Variants in ABR observed in about 807,000 individuals in gnomAD.
The protein encoded by ABR is ABR activator of RhoGEF and GTPase.
A neutral mutation model predicts 107.2 loss-of-function variants in ABR; 35 were observed. The observed-to-expected ratio is 0.33, with a 90% CI of 0.25 to 0.43. The LOEUF is 0.43. Ranked by LOEUF, ABR falls within the 20% of genes least tolerant of loss-of-function variation. ABR has a pLI of 1.00. For missense variants in ABR, 815 were observed against 1,115.2 expected (o/e 0.73, Z 3.83); for synonymous variants, 498 against 462.0 (o/e 1.08, Z -1.00).
At chr17:1,008,988 G>A (rs961804122) in intron 21 of ABR, among the ~76,000 whole-genome samples, 6 of 152,186 alleles carry the variant, frequency 3.9e-5, no homozygotes, top group African/African-American at 1.2e-4. Context: ...GCAAGTCTCC[G>A]CCTGGTGTGG....
At chr17:1,143,639 G>A (rs1179585315) in intron 1 of ABR, among the ~76,000 whole-genome samples, 1 of 152,146 alleles carries the variant, frequency 6.6e-6, no homozygotes, top group African/African-American at 2.4e-5. Context: ...GGGTGTTATG[G>A]CCTCTCTGGT....
intron 16 of ABR, among the ~76,000 whole-genome samples, chr17:1,023,912 C>A (rs2071934244): frequency 6.6e-6 from 1 of 151,088 alleles, no homozygotes; most frequent in South Asian, 2.1e-4. Context: ...GTAAACCCAG[C>A]TACTCAGGGG....
intron 1 of ABR, among the ~76,000 whole-genome samples, chr17:1,169,528 C>A (rs2041630232): frequency 1.3e-5 from 2 of 152,156 alleles, no homozygotes; most frequent in Admixed American, 1.3e-4. Flanking sequence ...GAAGTCCCAG[C>A]CAAAGGGGGC....
chr17:1,147,829 T>G lies in ABR; in HGVS notation c.62-22462A>C, dbSNP rs73975657. Among the ~76,000 whole-genome samples, 887 of 152,280 alleles carry G rather than the reference T, an allele frequency of 5.8e-3. 7 individuals carry two copies. The highest frequency in any genetic ancestry group is 0.021 in the African/African-American group (853 of 41,560). On this transcript the variant is annotated intron_variant, in intron 1 of 22. Coordinates refer to ENST00000302538, the MANE Select transcript of ABR (RefSeq NM_021962.5). ...CCTAACCCCACCCACGCCAGCCTCATGGCAAGCTGCAGCCGCCCTTTTCCC... is the reference window on the plus strand; with the variant it reads ...CCTAACCCCACCCACGCCAGCCTCAGGGCAAGCTGCAGCCGCCCTTTTCCC...
chr17:1,044,607 C>T (rs1402704884), intron 16 of ABR, among the ~76,000 whole-genome samples: 9 of 151,488 alleles, frequency 5.9e-5, no homozygotes, highest in Non-Finnish European at 1.2e-4. Context: ...GCCAAGATTG[C>T]GCCATTGCAC....
chr17:1,183,238 C>T (rs1402883251), upstream of ABR, among the ~76,000 whole-genome samples: 10 of 152,084 alleles, frequency 6.6e-5, no homozygotes, highest in East Asian at 1.9e-4. Context: ...CCATCTATCA[C>T]GCTGCCTCCT....
intron 5 of ABR, among the ~76,000 whole-genome samples, chr17:1,079,617 C>T (rs1046242609): frequency 1.3e-5 from 2 of 151,738 alleles, no homozygotes; most frequent in African/African-American, 4.8e-5. Flanking sequence ...GGTGAAACCC[C>T]ATCTCTACTA....
At chr17:1,038,764 C>T (rs1287235702) in intron 16 of ABR, among the ~76,000 whole-genome samples, 1 of 152,266 alleles carries the variant, frequency 6.6e-6, no homozygotes, top group African/African-American at 2.4e-5. Context: ...GTGACCCCCG[C>T]TCAGCATTCA....
Position 1,179,822 on chromosome 17 carries a change from A to T in ABR, c.-95T>A. 1 of 1,271,986 alleles carries T rather than the reference A, an allele frequency of 7.9e-7. No homozygotes were observed. The highest frequency in any genetic ancestry group is 1.8e-5 in the South Asian group (1 of 55,924). The allele number at this position is 1,271,986 out of a possible 1,614,324, so 78.8% of individuals were successfully genotyped here. ...GGAGCCGGGGGAGGCCGAAGTTGCG[A>T]GCGCGGAGGGGCGAGGAGGCCGGGA... On this transcript the variant is annotated 5_prime_UTR_variant, in exon 1 of 23. Coordinates refer to ENST00000302538, the MANE Select transcript of ABR (RefSeq NM_021962.5). This position sits in a 1 kb window ranked among gnomAD's most constrained non-coding sequence, Gnocchi z 4.9.
At chr17:1,009,287 C>T (rs574831641) in intron 21 of ABR, among the ~76,000 whole-genome samples, 8 of 134,646 alleles carry the variant, frequency 5.9e-5, no homozygotes, top group Non-Finnish European at 9.2e-5. Context: ...GCTGTCCACC[C>T]CCCACTGCAT....
rs141255918 is a variant in ABR at position 1,176,802 on chromosome 17, G to A, written c.61+2865C>T. Reference sequence around the variant, plus strand: ...GTGGAGGTTGCAGTGAGCCAAGATCGCACCACTGCACTCCAGCCTGGGCAA... The same window carrying A: ...GTGGAGGTTGCAGTGAGCCAAGATCACACCACTGCACTCCAGCCTGGGCAA... On this transcript the variant is annotated intron_variant, in intron 1 of 22. Transcript: ENST00000302538. Among the ~76,000 whole-genome samples, 603 of 151,120 alleles carry A rather than the reference G, an allele frequency of 4.0e-3. 2 individuals carry two copies. Among genetic ancestry groups the A allele is most frequent in the African/African-American group, 0.014 (559 of 41,112 alleles).
intron 1 of ABR, among the ~76,000 whole-genome samples, chr17:1,147,773 C>G (rs2040614012): frequency 6.6e-6 from 1 of 152,216 alleles, no homozygotes; most frequent in African/African-American, 2.4e-5. Flanking sequence ...TCCACACACA[C>G]TTCCCAACAC....
intron 9 of ABR, among the ~76,000 whole-genome samples, chr17:1,067,697 T>C (rs1251972177): frequency 1.3e-5 from 2 of 152,134 alleles, no homozygotes; most frequent in East Asian, 3.9e-4. Context: ...GGGTCAACAC[T>C]GGGTGGAGGA....
chr17:1,108,437 T>C (rs1227671800), intron 2 of ABR, among the ~76,000 whole-genome samples: 1 of 152,266 alleles, frequency 6.6e-6, no homozygotes, highest in Admixed American at 6.5e-5. Flanking sequence ...CCCACCTGGC[T>C]GCAGCCTCCA....
chr17:1,099,295 G>A (rs190532842), intron 3 of ABR, among the ~76,000 whole-genome samples: 14 of 152,066 alleles, frequency 9.2e-5, no homozygotes, highest in African/African-American at 3.4e-4. Flanking sequence ...GGCTGGTCTC[G>A]AACTCCTGTC....
chr17:1,199,768 T>TA (rs2042638155), intron 1 of ABR, among the ~76,000 whole-genome samples: 1 of 152,100 alleles, frequency 6.6e-6, no homozygotes, highest in African/African-American at 2.4e-5. Flanking sequence ...TTTAAAACTA[T>TA]AAGTTTATTC....
chr17:1,094,080 C>G (rs1258657722), intron 3 of ABR, among the ~76,000 whole-genome samples: 4 of 151,626 alleles, frequency 2.6e-5, no homozygotes, highest in East Asian at 1.9e-4. Flanking sequence ...CCCTCACCGT[C>G]CTAGAACCAA....
At chr17:1,181,849 C>T (rs1319737809), upstream of ABR, 2 of 152,256 alleles carry the variant, frequency 1.3e-5, no homozygotes, top group Non-Finnish European at 2.9e-5. Context: ...AACGCTCGGG[C>T]CCTCTCCCCA....
At chr17:1,153,548 C>T (rs1280017378) in intron 1 of ABR, among the ~76,000 whole-genome samples, 3 of 107,202 alleles carry the variant, frequency 2.8e-5, no homozygotes, top group Non-Finnish European at 3.9e-5. Context: ...GGCACACCTG[C>T]GGGAGGGCTG....
Sources: gnomAD v4.1 joint callset for allele counts (sites outside exome capture counted in the v4.1 genomes callset) on GRCh38, gnomAD v4.1.1 for gene constraint, Gnocchi (gnomAD v3.1) non-coding constraint, MANE v1.5 for transcripts, NCBI Gene and HGNC (gene_info 2026-07-23, HGNC 2026-07-21) for gene names.